RYR2: variants seen among roughly 807,000 people sequenced by gnomAD.
RYR2 encodes ryanodine receptor 2, also known as cardiac muscle ryanodine receptor-calcium release channel.
In RYR2, 227 loss-of-function variants were observed where a neutral mutation model predicts 601.1. The observed-to-expected ratio is 0.38, with a 90% CI of 0.34 to 0.42. RYR2 has a LOEUF of 0.42. Among genes scored for constraint, RYR2 ranks in the 10% least tolerant of loss-of-function variants. The pLI is 1.00. For synonymous variants in RYR2, 2,223 were observed against 2,175.1 expected (o/e 1.02, Z -0.61); for missense variants, 4,646 against 6,156.5 (o/e 0.75, Z 8.21).
intron 91 of RYR2, among the ~76,000 whole-genome samples, chr1:237,786,478 C>A (rs1373088236): frequency 3.3e-5 from 5 of 152,174 alleles, no homozygotes; most frequent in Admixed American, 1.3e-4. Context: ...GACCCAGGAC[C>A]ACATGCATAA....
At chr1:237,491,146 T>G in intron 17 of RYR2, among the ~76,000 whole-genome samples, 1 of 152,256 alleles carries the variant, frequency 6.6e-6, no homozygotes, top group East Asian at 1.9e-4. Context: ...TTTTATATTT[T>G]GTGGTGGCTA....
intron 29 of RYR2, among the ~76,000 whole-genome samples, chr1:237,570,170 A>T (rs1480296029): frequency 6.7e-6 from 1 of 149,938 alleles, no homozygotes; most frequent in East Asian, 2.0e-4. Flanking sequence ...GTGAGCAGAG[A>T]TCACGCCATG....
intron 100 of RYR2, 56 bp downstream of exon 100, chr1:237,809,091 C>G (rs1384240732): frequency 1.4e-6 from 2 of 1,474,332 alleles, no homozygotes; most frequent in South Asian, 1.2e-5. Context: ...CTTCTGCAGT[C>G]TAAGTAATTG....
chr1:237,178,426 G>C (rs920689623), intron 1 of RYR2, among the ~76,000 whole-genome samples: 1 of 110,438 alleles, frequency 9.1e-6, no homozygotes, highest in Non-Finnish European at 1.9e-5. Context: ...CTGTGTGTGT[G>C]TGTGTGTGTG....
In RYR2 at chr1:237,092,358, G is replaced by A. The variant is rs186062909; in HGVS notation, c.48+49789G>A. ...ATTAAAGAGTGTTTGTTTCCTTGAA[G>A]GAGACCCTCTGCTATCTTCTCAGGC... is the stretch of plus-strand genomic sequence containing the variant. On this transcript the variant is annotated intron_variant, in intron 1 of 104. Coordinates refer to ENST00000366574, the MANE Select transcript of RYR2 (RefSeq NM_001035.3). 2.9e-3 allele frequency among the ~76,000 whole-genome samples: 437 copies of A among 152,228 alleles called. 2 individuals are homozygous for A. The highest frequency in any genetic ancestry group is 6.8e-3 in the Middle Eastern group (2 of 294).
Position 237,625,730 on chromosome 1 carries a change from C to T in RYR2, c.6092C>T (p.Ser2031Phe), listed in dbSNP as rs750650000. Residue 2031 changes from serine to phenylalanine, a missense_variant, in exon 40 of 105, where the codon TCC (serine) becomes TTC (phenylalanine). Physicochemically the swap from Ser to Phe is radical, Grantham distance 155. Coordinates refer to ENST00000366574, the MANE Select transcript of RYR2 (RefSeq NM_001035.3). ...SDLTIRGRLL[S>F]LVEKVTYLKK... is the part of the protein sequence containing the mutation. ...TTAACAATTAGAGGGCGTCTGCTATCCCTGGTAGAAAAGGTGACATATCTG... is the reference window on the plus strand; with the variant it reads ...TTAACAATTAGAGGGCGTCTGCTATTCCTGGTAGAAAAGGTGACATATCTG... 1.9e-6 allele frequency: 3 copies of T among 1,613,666 alleles called. No homozygotes were observed. In the East Asian group the frequency reaches 6.7e-5, roughly 36 times the overall value.
chr1:237,267,533 A>G lies in RYR2; in HGVS notation c.49-2964A>G, dbSNP rs562413109. Reference sequence around the variant, plus strand: ...AGACTCTGCCTCAAGAAAAGAAAAAAGAGAAGAGAAGAGAAGAAAAGAAAC... The same window carrying G: ...AGACTCTGCCTCAAGAAAAGAAAAAGGAGAAGAGAAGAGAAGAAAAGAAAC... On this transcript the variant is annotated intron_variant, in intron 1 of 104. Transcript: ENST00000366574. 7 of 217,710 alleles carry G rather than the reference A, an allele frequency of 3.2e-5. No homozygotes were observed. The East Asian group carries it at 1.2e-3, about 36-fold the overall frequency. 13.5% of individuals were successfully genotyped at this position (217,710 alleles called of 1,614,324 possible).
chr1:237,585,087 C>G (rs1674379702), intron 29 of RYR2, among the ~76,000 whole-genome samples: 1 of 152,074 alleles, frequency 6.6e-6, no homozygotes, highest in Non-Finnish European at 1.5e-5. Flanking sequence ...TGTTTGTTTA[C>G]CTACTGTCTA....
At chr1:237,691,464 C>T (rs1225759837) in intron 63 of RYR2, among the ~76,000 whole-genome samples, 3 of 151,944 alleles carry the variant, frequency 2.0e-5, no homozygotes, top group Admixed American at 6.6e-5. Context: ...CTCCAAACCT[C>T]GCCTGTGGTT....
chr1:237,108,378 G>A (rs1668998469), intron 1 of RYR2, among the ~76,000 whole-genome samples: 1 of 152,198 alleles, frequency 6.6e-6, no homozygotes. Context: ...TCCTCATAGA[G>A]GCTTGGCTGG....
chr1:237,190,378 A>C (rs1395369270), intron 1 of RYR2, among the ~76,000 whole-genome samples: 1 of 152,126 alleles, frequency 6.6e-6, no homozygotes, highest in African/African-American at 2.4e-5. Context: ...GTCTTTTTGT[A>C]TGCTTCTTGG....
At chr1:237,213,630 A>T (rs997737995) in intron 1 of RYR2, among the ~76,000 whole-genome samples, 1 of 152,130 alleles carries the variant, frequency 6.6e-6, no homozygotes. Flanking sequence ...ATAAGATAAG[A>T]TTATTTACCC....
intron 1 of RYR2, among the ~76,000 whole-genome samples, chr1:237,115,423 C>A (rs1434674699): frequency 6.6e-6 from 1 of 152,194 alleles, no homozygotes; most frequent in Non-Finnish European, 1.5e-5. Context: ...TTCCTGGAAA[C>A]CCTTAAGAAC....
intron 48 of RYR2, 48 bp from the exon 49 acceptor site, chr1:237,648,396 C>T (rs1682386446): frequency 2.0e-6 from 3 of 1,469,304 alleles, no homozygotes; most frequent in African/African-American, 2.8e-5. Context: ...GTAATCTATC[C>T]TGTATATGAC....
chr1:237,510,048 C>T (rs188593597), intron 23 of RYR2, among the ~76,000 whole-genome samples: 1 of 152,208 alleles, frequency 6.6e-6, no homozygotes, highest in Admixed American at 6.5e-5. Flanking sequence ...CTGTAGGGGG[C>T]TAAAGAGCAT....
At chr1:237,828,774 AGCCCTG>A (rs1386718429) in intron 102 of RYR2, among the ~76,000 whole-genome samples, 1 of 152,150 alleles carries the variant, frequency 6.6e-6, no homozygotes, top group African/African-American at 2.4e-5. Context: ...ATGGGAGTAA[AGCCCTG>A]GAGTGGTAGG....
In RYR2 at chr1:237,180,751, ATAT is replaced by A. The variant is rs1487158280; in HGVS notation, c.49-89743_49-89741del. Reference sequence around the variant, plus strand: ...ATAGATATATGCTATTATATAATAAATATTAATATGTTAATAGTAATATGCTAA... The same window carrying A: ...ATAGATATATGCTATTATATAATAAATAATATGTTAATAGTAATATGCTAA... On this transcript the variant is annotated intron_variant, in intron 1 of 104. Transcript: ENST00000366574. The surrounding 1 kb of genome is among the most constrained non-coding windows in gnomAD (Gnocchi z 5.3). Among the ~76,000 whole-genome samples the A allele has an allele frequency of 1.4e-5, 2 of 148,010 alleles. No individual in the cohort carries two copies. Among genetic ancestry groups the A allele is most frequent in the Non-Finnish European group, 3.0e-5 (2 of 67,250 alleles).
intron 29 of RYR2, 96 bp downstream of exon 29, chr1:237,569,415 G>A: frequency 8.6e-7 from 1 of 1,162,766 alleles, no homozygotes; most frequent in African/African-American, 1.5e-5. Flanking sequence ...TTCAGGGTGA[G>A]TGAGCAGATG....
At chr1:237,293,165 T>G (rs1385352376) in intron 2 of RYR2, among the ~76,000 whole-genome samples, 1 of 152,098 alleles carries the variant, frequency 6.6e-6, no homozygotes, top group Non-Finnish European at 1.5e-5. Context: ...TTCTTCAAGT[T>G]GATGCCTTGG....
Sources: allele counts gnomAD v4.1 joint callset (sites outside exome capture counted in the v4.1 genomes callset), GRCh38; gene constraint gnomAD v4.1.1; non-coding constraint Gnocchi (gnomAD v3.1); transcripts MANE v1.5; gene names NCBI Gene and HGNC (gene_info 2026-07-23, HGNC 2026-07-21).